The following SLC30A8 variants were observed in gnomAD, a reference collection of about 807,000 sequenced individuals.
SLC30A8 encodes solute carrier family 30 member 8.
In SLC30A8, 27 loss-of-function variants were observed where a neutral mutation model predicts 36.9. The ratio of observed to expected loss-of-function variants is 0.73; its 90% CI spans 0.54 to 1.01. The LOEUF (loss-of-function observed/expected upper bound fraction) is 1.01, where lower values mean the gene tolerates loss of function less well. Among genes scored for constraint, SLC30A8 ranks in the 50% least tolerant of loss-of-function variants. The pLI is 0.00. For synonymous variants in SLC30A8, 164 were observed against 172.4 expected (o/e 0.95, Z 0.38); for missense variants, 439 against 452.0 (o/e 0.97, Z 0.26).
chr8:117,152,868 C>T, intron 2 of SLC30A8, 76 bp from the exon 3 acceptor site: 1 of 1,225,764 alleles, frequency 8.2e-7, no homozygotes, highest in Non-Finnish European at 1.1e-6. Flanking sequence ...GCATTTTCAC[C>T]CATGATGGTT....
At chr8:116,952,854 A>AT in intron 1 of SLC30A8, among the ~76,000 whole-genome samples, 1 of 150,332 alleles carries the variant, frequency 6.7e-6, no homozygotes, top group East Asian at 1.9e-4. Flanking sequence ...GAAGAATTTT[A>AT]TTTATTTATT....
Position 117,157,671 on chromosome 8 carries a change from G to A in SLC30A8, c.419-20G>A. 6.2e-7 allele frequency: 1 copy of A among 1,613,714 alleles called. No individual in the cohort carries two copies. Among genetic ancestry groups the A allele is most frequent in the Non-Finnish European group, 8.5e-7 (1 of 1,179,750 alleles). Reference sequence around the variant, plus strand: ...TGGAGTTATCTGTGTGTGGGTTTCTGTGTGTGTTTGAATTCCTAGAGATCC... The same window carrying A: ...TGGAGTTATCTGTGTGTGGGTTTCTATGTGTGTTTGAATTCCTAGAGATCC... On this transcript the variant is annotated intron_variant, in intron 3 of 7. Transcript: ENST00000456015.
intron 2 of SLC30A8, among the ~76,000 whole-genome samples, chr8:117,077,468 G>C (rs1818526564): frequency 1.3e-5 from 2 of 152,180 alleles, no homozygotes; most frequent in South Asian, 4.2e-4. Context: ...ATTGGATTTT[G>C]GTTTTAATCT....
chr8:117,020,358 T>A (rs376011333), intron 1 of SLC30A8, among the ~76,000 whole-genome samples: 2 of 152,184 alleles, frequency 1.3e-5, no homozygotes, highest in African/African-American at 4.8e-5. Context: ...TTGGCAAACA[T>A]TGAAATTATG....
chr8:117,038,159 G>A (rs988339248), intron 1 of SLC30A8, among the ~76,000 whole-genome samples: 1 of 152,036 alleles, frequency 6.6e-6, no homozygotes, highest in Non-Finnish European at 1.5e-5. Flanking sequence ...AACTAATATG[G>A]ATACTCGGTA....
At chr8:117,116,668 G>T (rs1820458975) in intron 2 of SLC30A8, among the ~76,000 whole-genome samples, 1 of 151,968 alleles carries the variant, frequency 6.6e-6, no homozygotes, top group African/African-American at 2.4e-5. Flanking sequence ...CAAACTGGTA[G>T]GTAACCTGTC....
chr8:117,072,821 C>T (rs1395260842), intron 2 of SLC30A8, among the ~76,000 whole-genome samples: 3 of 149,632 alleles, frequency 2.0e-5, no homozygotes, highest in East Asian at 3.9e-4. Flanking sequence ...ACTGCTCAAA[C>T]CCCCAAATCC....
chr8:116,962,852 G>T (rs985278080), intron 1 of SLC30A8, among the ~76,000 whole-genome samples: 2 of 151,914 alleles, frequency 1.3e-5, no homozygotes, highest in Non-Finnish European at 2.9e-5. Flanking sequence ...GCAGCGTATG[G>T]TTATCATTTT....
intron 1 of SLC30A8, among the ~76,000 whole-genome samples, chr8:117,145,315 A>G (rs1310758963): frequency 6.6e-6 from 1 of 152,144 alleles, no homozygotes; most frequent in East Asian, 1.9e-4. Flanking sequence ...ATCAATAATA[A>G]TTGTCTCTTG....
intron 1 of SLC30A8, among the ~76,000 whole-genome samples, chr8:117,009,531 G>A (rs72685383): frequency 0.01 from 1,530 of 152,200 alleles, 13 homozygotes; most frequent in Middle Eastern, 0.031. Context: ...CAAATCATGG[G>A]GACTCAATGA....
chr8:117,078,554 C>A (rs941671317), intron 2 of SLC30A8, among the ~76,000 whole-genome samples: 1 of 152,100 alleles, frequency 6.6e-6, no homozygotes, highest in African/African-American at 2.4e-5. Context: ...TCCTCTCTTA[C>A]ACTCAGTTCC....
At chr8:117,023,593 C>A (rs1407964712) in intron 1 of SLC30A8, among the ~76,000 whole-genome samples, 1 of 151,850 alleles carries the variant, frequency 6.6e-6, no homozygotes, top group Non-Finnish European at 1.5e-5. Context: ...AAGCTGGAAA[C>A]CATCATTCTC....
intron 1 of SLC30A8, among the ~76,000 whole-genome samples, chr8:116,977,758 C>T (rs1815101798): frequency 6.6e-6 from 1 of 152,086 alleles, no homozygotes; most frequent in Admixed American, 6.5e-5. Context: ...GATCCACCTG[C>T]CTCGGCCTCC....
At chr8:117,118,627 T>C (rs372833796) in intron 2 of SLC30A8, among the ~76,000 whole-genome samples, 13 of 151,954 alleles carry the variant, frequency 8.6e-5, no homozygotes, top group East Asian at 1.9e-4. Context: ...AGCAGCCTAA[T>C]GTATATTTGG....
chr8:117,009,241 A>G (rs1157687399), intron 1 of SLC30A8, among the ~76,000 whole-genome samples: 1 of 152,194 alleles, frequency 6.6e-6, no homozygotes, highest in Non-Finnish European at 1.5e-5. Context: ...TAATGGTGGA[A>G]TTGCAAATAC....
intron 1 of SLC30A8, among the ~76,000 whole-genome samples, chr8:116,965,952 C>T (rs28515725): frequency 0.011 from 1,706 of 148,654 alleles, 13 homozygotes; most frequent in Non-Finnish European, 0.02. Context: ...GGCGTGATCT[C>T]AGCTCACTGC....
chr8:116,966,350 G>A (rs1005134562), intron 1 of SLC30A8, among the ~76,000 whole-genome samples: 12 of 152,036 alleles, frequency 7.9e-5, no homozygotes, highest in Non-Finnish European at 1.5e-4. Context: ...TGGCATATGC[G>A]ACCCGTAGAT....
chr8:117,140,344 G>A (rs1380231601), intron 1 of SLC30A8, among the ~76,000 whole-genome samples: 1 of 152,008 alleles, frequency 6.6e-6, no homozygotes, highest in Non-Finnish European at 1.5e-5. Flanking sequence ...CAAAGAAATA[G>A]TGGCCCCAAA....
chr8:117,093,236 T>C (rs920064863), intron 2 of SLC30A8, among the ~76,000 whole-genome samples: 1 of 151,898 alleles, frequency 6.6e-6, no homozygotes, highest in African/African-American at 2.4e-5. Context: ...TGACTCCTCT[T>C]AGACCATGGC....
Sources: allele counts gnomAD v4.1 joint callset (sites outside exome capture counted in the v4.1 genomes callset), GRCh38; gene constraint gnomAD v4.1.1; transcripts MANE v1.5; gene names NCBI Gene and HGNC (gene_info 2026-07-23, HGNC 2026-07-21).